The following PPARGC1A variants were observed in gnomAD, a reference collection of about 807,000 sequenced individuals.
The protein encoded by PPARGC1A is peroxisome proliferator-activated receptor gamma coactivator 1-alpha.
PPARGC1A carries 25 observed loss-of-function variants against 88.7 expected under a neutral mutation model. The ratio of observed to expected loss-of-function variants is 0.28; its 90% confidence interval spans 0.21 to 0.39. The LOEUF (loss-of-function observed/expected upper bound fraction) is 0.39, where lower values mean the gene tolerates loss of function less well. Ranked by LOEUF, PPARGC1A falls within the 10% of genes least tolerant of loss-of-function variation. The pLI, the probability that PPARGC1A is intolerant of heterozygous loss-of-function variation, is 1.00. For missense variants in PPARGC1A, 880 were observed against 968.7 expected (o/e 0.91, Z 1.22); for synonymous variants, 363 against 355.6 (o/e 1.02, Z -0.24).
At chr4:24,306,230 T>A in the PPARGC1A span, among the ~76,000 whole-genome samples, 2 of 152,084 alleles carry the variant, frequency 1.3e-5, no homozygotes, top group Non-Finnish European at 2.9e-5. Flanking sequence ...CAAAAGAGAC[T>A]GACACAAACA....
the PPARGC1A span, among the ~76,000 whole-genome samples, chr4:23,915,955 G>C: frequency 3.3e-5 from 5 of 152,322 alleles, no homozygotes; most frequent in East Asian, 9.6e-4. Flanking sequence ...AAGCATCTGG[G>C]CTCTGGAGCC....
the PPARGC1A span, among the ~76,000 whole-genome samples, chr4:24,460,933 A>C: frequency 6.6e-6 from 1 of 152,134 alleles, no homozygotes; most frequent in African/African-American, 2.4e-5. Flanking sequence ...ACAGATTTTA[A>C]TTTTTTTAGA....
chr4:24,192,140 T>C, the PPARGC1A span, among the ~76,000 whole-genome samples: 1 of 152,200 alleles, frequency 6.6e-6, no homozygotes. Context: ...CCCTACTGTC[T>C]GGTGAAATAT....
chr4:24,466,895 A>AAAAAAAAAAG, the PPARGC1A span, among the ~76,000 whole-genome samples: 1 of 149,436 alleles, frequency 6.7e-6, no homozygotes, highest in African/African-American at 2.5e-5. Context: ...GCAAAAAAAA[A>AAAAAAAAAAG]AAAAAGAGGA....
At chr4:24,450,262 T>C in the PPARGC1A span, among the ~76,000 whole-genome samples, 1 of 152,234 alleles carries the variant, frequency 6.6e-6, no homozygotes, top group African/African-American at 2.4e-5. Flanking sequence ...AACATTATCA[T>C]GATGGCCTCT....
At chr4:24,059,550 A>T in the PPARGC1A span, among the ~76,000 whole-genome samples, 1 of 152,210 alleles carries the variant, frequency 6.6e-6, no homozygotes, top group South Asian at 2.1e-4. Context: ...CCAAGGAGGA[A>T]CAGCCACTGT....
At chr4:24,102,403 T>C in the PPARGC1A span, among the ~76,000 whole-genome samples, 4 of 152,050 alleles carry the variant, frequency 2.6e-5, no homozygotes, top group Admixed American at 2.6e-4. Context: ...GCTAATAAAC[T>C]CTCCTCATCT....
chr4:24,207,713 T>C, the PPARGC1A span, among the ~76,000 whole-genome samples: 1 of 152,208 alleles, frequency 6.6e-6, no homozygotes, highest in Non-Finnish European at 1.5e-5. Flanking sequence ...TTAAAAAAAT[T>C]TCCTCAGCCT....
chr4:24,111,564 T>C, the PPARGC1A span, among the ~76,000 whole-genome samples: 16 of 152,176 alleles, frequency 1.1e-4, no homozygotes, highest in African/African-American at 3.4e-4. Context: ...TTAAATTAAA[T>C]TGATATTTAA....
the PPARGC1A span, among the ~76,000 whole-genome samples, chr4:24,212,300 A>G: frequency 3.9e-5 from 6 of 152,234 alleles, no homozygotes; most frequent in African/African-American, 9.6e-5. Flanking sequence ...AGAAATGTTC[A>G]TGAATTAACT....
chr4:24,128,946 C>T, the PPARGC1A span, among the ~76,000 whole-genome samples: 1 of 152,194 alleles, frequency 6.6e-6, no homozygotes, highest in African/African-American at 2.4e-5. Flanking sequence ...CCTTCACTCT[C>T]TGAGTAGGTG....
At chr4:23,921,868 C>T in the PPARGC1A span, among the ~76,000 whole-genome samples, 31 of 152,258 alleles carry the variant, frequency 2.0e-4, no homozygotes, top group African/African-American at 6.7e-4. Context: ...CTCTTCTTGG[C>T]CCCAAAATTA....
At chr4:24,317,016 G>A in the PPARGC1A span, among the ~76,000 whole-genome samples, 1 of 152,106 alleles carries the variant, frequency 6.6e-6, no homozygotes, top group Non-Finnish European at 1.5e-5. Context: ...CTGTAACTGA[G>A]AACTGTTCTA....
chr4:24,324,017 C>T, the PPARGC1A span, among the ~76,000 whole-genome samples: 4 of 152,146 alleles, frequency 2.6e-5, no homozygotes, highest in African/African-American at 9.7e-5. Context: ...ACGTTTTGTC[C>T]GTGGACCCAA....
the PPARGC1A span, among the ~76,000 whole-genome samples, chr4:24,209,594 C>A: frequency 6.6e-6 from 1 of 152,130 alleles, no homozygotes; most frequent in Non-Finnish European, 1.5e-5. Context: ...GTATCCTGTG[C>A]TAGCTAGTAG....
chr4:24,213,333 A>G, the PPARGC1A span, among the ~76,000 whole-genome samples: 1 of 151,744 alleles, frequency 6.6e-6, no homozygotes, highest in African/African-American at 2.4e-5. Context: ...GGCCCGGCTA[A>G]TTTTTTGTAT....
At chr4:24,053,545 T>C in the PPARGC1A span, among the ~76,000 whole-genome samples, 7 of 152,146 alleles carry the variant, frequency 4.6e-5, no homozygotes, top group African/African-American at 1.4e-4. Flanking sequence ...CCCTAAATGT[T>C]TGTGACAACT....
the PPARGC1A span, among the ~76,000 whole-genome samples, chr4:24,161,479 T>C: frequency 1.3e-5 from 2 of 152,132 alleles, no homozygotes; most frequent in Non-Finnish European, 2.9e-5. Flanking sequence ...AGAGGCCACT[T>C]AACTCCTTGC....
chr4:24,316,066 G>A, the PPARGC1A span, among the ~76,000 whole-genome samples: 20 of 152,194 alleles, frequency 1.3e-4, no homozygotes, highest in Non-Finnish European at 2.9e-4. Context: ...CCTTTGTGGG[G>A]TGACGGTTCT....
Sources: gnomAD v4.1 joint callset for allele counts (sites outside exome capture counted in the v4.1 genomes callset) on GRCh38, gnomAD v4.1.1 for gene constraint, MANE v1.5 for transcripts, NCBI Gene and HGNC (gene_info 2026-07-23, HGNC 2026-07-21) for gene names.